Variants in EPB41L3 observed in about 807,000 individuals in gnomAD.
EPB41L3 encodes the protein band 4.1-like protein 3.
Under a neutral mutation model 127.1 loss-of-function variants are expected in EPB41L3, and 57 were observed. That is an observed-to-expected ratio of 0.45 (90% CI 0.36 to 0.56). EPB41L3 has a LOEUF of 0.56. Among genes scored for constraint, EPB41L3 ranks in the 20% least tolerant of loss-of-function variants. The pLI is 0.00. For missense variants in EPB41L3, 1,273 were observed against 1,372.2 expected (o/e 0.93, Z 1.14); for synonymous variants, 572 against 549.5 (o/e 1.04, Z -0.57).
At chr18:5,459,268 A>G (rs1012669858) in intron 3 of EPB41L3, among the ~76,000 whole-genome samples, 1 of 152,136 alleles carries the variant, frequency 6.6e-6, no homozygotes, top group Non-Finnish European at 1.5e-5. Flanking sequence ...CCCCATTTCG[A>G]AAAGAAACCA....
intron 5 of EPB41L3, among the ~76,000 whole-genome samples, chr18:5,440,306 G>A (rs1011530114): frequency 4.6e-5 from 7 of 152,066 alleles, no homozygotes; most frequent in African/African-American, 1.7e-4. Context: ...ACAGTATTTT[G>A]AAACAATGGG....
intron 13 of EPB41L3, among the ~76,000 whole-genome samples, chr18:5,415,301 T>C (rs2076662084): frequency 1.3e-5 from 2 of 152,160 alleles, no homozygotes; most frequent in African/African-American, 4.8e-5. Context: ...CTGGCAATGA[T>C]GAGCAGAGGG....
At chr18:5,398,450 T>G (rs1367859075) in intron 16 of EPB41L3, 1 of 434,820 alleles carries the variant, frequency 2.3e-6, no homozygotes, top group Non-Finnish European at 4.0e-6. Flanking sequence ...GAGCTGGAAA[T>G]AAAATGGAAA....
intron 1 of EPB41L3, among the ~76,000 whole-genome samples, chr18:5,628,390 G>A (rs543931461): frequency 6.6e-6 from 1 of 152,212 alleles, no homozygotes; most frequent in African/African-American, 2.4e-5. Flanking sequence ...ACTGGCGGGG[G>A]CGGGGGTCTG....
At chr18:5,531,680 G>C (rs1452630185) in intron 1 of EPB41L3, among the ~76,000 whole-genome samples, 1 of 130,784 alleles carries the variant, frequency 7.6e-6, no homozygotes, top group African/African-American at 3.0e-5. Flanking sequence ...GGTGAGCCAA[G>C]ATCATGCCGC....
chr18:5,547,015 T>C (rs1172873364), upstream of EPB41L3, among the ~76,000 whole-genome samples: 1 of 151,690 alleles, frequency 6.6e-6, no homozygotes, highest in Non-Finnish European at 1.5e-5. Flanking sequence ...TATGGTTCAA[T>C]AATATTAGGG....
intron 3 of EPB41L3, chr18:5,463,970 C>T (rs2084496852): frequency 6.6e-6 from 1 of 152,246 alleles, no homozygotes; most frequent in African/African-American, 2.4e-5. Flanking sequence ...TGTGAGCACA[C>T]TAAACCGATC....
At chr18:5,505,055 G>A (rs1388899173) in intron 1 of EPB41L3, among the ~76,000 whole-genome samples, 10 of 152,070 alleles carry the variant, frequency 6.6e-5, no homozygotes, top group Non-Finnish European at 1.2e-4. Context: ...CCCATGAAAC[G>A]GTCTCCTCCA....
chr18:5,499,820 T>C (rs902711416), intron 1 of EPB41L3, among the ~76,000 whole-genome samples: 22 of 143,954 alleles, frequency 1.5e-4, no homozygotes, highest in African/African-American at 5.9e-4. Flanking sequence ...ACATACTTAC[T>C]ATGTGTGTGT....
intron 3 of EPB41L3, among the ~76,000 whole-genome samples, chr18:5,462,419 T>C (rs1010658597): frequency 1.3e-5 from 2 of 152,220 alleles, no homozygotes; most frequent in South Asian, 2.1e-4. Flanking sequence ...AATGGTACCT[T>C]ATGCAACCTT....
At chr18:5,577,457 G>A (rs1442128747) in intron 3 of EPB41L3, 19 of 377,708 alleles carry the variant, frequency 5.0e-5, no homozygotes, top group Non-Finnish European at 9.3e-5. Context: ...AATATTCTCT[G>A]TGAAACACAG....
rs370717420 is a variant in EPB41L3, at chr18:5,541,252, C to CAAAAAAAA, written c.-12+2653_-12+2660dup. ...TGGGTGACACAGAAGGACTCCATCT[C>CAAAAAAAA]AAAAAAAAAAAAAAAAAAAAAAAAA... On this transcript the variant is annotated intron_variant, in intron 1 of 22. Coordinates refer to ENST00000341928, the MANE Select transcript of EPB41L3 (RefSeq NM_012307.5). Among the ~76,000 whole-genome samples the CAAAAAAAA allele has an allele frequency of 5.4e-3, 254 of 46,752 alleles. 54 individuals are homozygous for CAAAAAAAA. Among genetic ancestry groups the CAAAAAAAA allele is most frequent in the African/African-American group, 0.024 (219 of 9,090 alleles). The allele number at this position is 46,752 out of a possible 152,430, so 30.7% of individuals were successfully genotyped here. A position where few individuals can be genotyped will look rare whatever the true frequency, so the allele number is the denominator to read the frequency against.
At position 5,395,622 on chromosome 18, in the gene EPB41L3, G is replaced by T. The variant is rs527461275; in HGVS notation, c.3059C>A (p.Thr1020Lys). ...TSETTSTTTTTHITKTVKGGI... is the reference protein window; with the variant it reads ...TSETTSTTTTKHITKTVKGGI... Reference sequence around the variant, plus strand: ...CACTCCACTTACTTTGGTGATGTGCGTAGTGGTGGTGGTACTGGTGGTTTC... The same window carrying T: ...CACTCCACTTACTTTGGTGATGTGCTTAGTGGTGGTGGTACTGGTGGTTTC... The change falls in exon 20 of 23, where the codon ACG becomes AAG. Residue 1020 changes from threonine to lysine, a missense_variant. By Grantham distance (78) the Thr-to-Lys change is moderately conservative. Around this residue, in one of 3 missense-constraint regions of EPB41L3, gnomAD observed 765 missense variants for 782.9 expected, o/e 0.98. Transcript: ENST00000341928. 5 of 1,613,894 alleles carry T rather than the reference G, an allele frequency of 3.1e-6. No individual in the cohort carries two copies. The Admixed American group carries it at 5.0e-5, about 16-fold the overall frequency.
At chr18:5,628,470 G>A (rs372246089) in intron 1 of EPB41L3, among the ~76,000 whole-genome samples, 1 of 152,336 alleles carries the variant, frequency 6.6e-6, no homozygotes, top group South Asian at 2.1e-4. Flanking sequence ...GGTTGGGTCC[G>A]CCTGGCCTCG....
At chr18:5,408,998 C>A (rs12605370) in intron 14 of EPB41L3, among the ~76,000 whole-genome samples, 124,186 of 152,176 alleles carry the variant, frequency 0.82, 53,301 homozygotes, top group Non-Finnish European at 0.95. Context: ...TTAAGAAAAT[C>A]ATTTAGTCTA....
chr18:5,446,827 T>C (rs1287879188), intron 3 of EPB41L3, among the ~76,000 whole-genome samples: 2 of 152,240 alleles, frequency 1.3e-5, no homozygotes, highest in Non-Finnish European at 2.9e-5. Flanking sequence ...ATAATAACAT[T>C]GCTCATCGGC....
In EPB41L3 at chr18:5,415,799, T is replaced by A; in HGVS notation, c.2067+19A>T. ...CACGGAACACGAAGGGGAAGCGTGTTCTATGCCGAGGTACACACCTCTTCC... is the reference window on the plus strand; with the variant it reads ...CACGGAACACGAAGGGGAAGCGTGTACTATGCCGAGGTACACACCTCTTCC... On this transcript the variant is annotated intron_variant, in intron 13 of 22. Coordinates refer to ENST00000341928, the MANE Select transcript of EPB41L3 (RefSeq NM_012307.5). 6.2e-7 allele frequency: 1 copy of A among 1,605,052 alleles called. No individual in the cohort carries two copies. The highest frequency in any genetic ancestry group is 8.5e-7 in the Non-Finnish European group (1 of 1,176,228).
intron 1 of EPB41L3, chr18:5,539,699 C>T (rs2093668817): frequency 6.6e-6 from 1 of 152,198 alleles, no homozygotes; most frequent in African/African-American, 2.4e-5. Flanking sequence ...GCTGATATTA[C>T]TATAAATTCA....
At chr18:5,581,653 C>T (rs1479625837) in intron 3 of EPB41L3, among the ~76,000 whole-genome samples, 1 of 152,090 alleles carries the variant, frequency 6.6e-6, no homozygotes, top group Non-Finnish European at 1.5e-5. Flanking sequence ...TTAGTTCTGC[C>T]TTATTCCATC....
Sources: allele counts gnomAD v4.1 joint callset (sites outside exome capture counted in the v4.1 genomes callset), GRCh38; gene constraint gnomAD v4.1.1; regional missense constraint gnomAD v4.1.1; transcripts MANE v1.5; gene names NCBI Gene and HGNC (gene_info 2026-07-23, HGNC 2026-07-21).